PCNX1: variants seen among roughly 807,000 people sequenced by gnomAD.
PCNX1 encodes the protein pecanex-like protein 1.
PCNX1 carries 78 observed loss-of-function variants against 242.2 expected under a neutral mutation model. The observed-to-expected ratio is 0.32, with a 90% CI of 0.27 to 0.39. PCNX1 has a LOEUF of 0.39. Ranked by LOEUF, PCNX1 falls within the 10% of genes least tolerant of loss-of-function variation. PCNX1 has a pLI of 1.00. For synonymous variants in PCNX1, 1,024 were observed against 1,032.9 expected, an observed-to-expected ratio of 0.99 and a Z score of 0.17; for missense variants, 2,581 against 2,856.5, an observed-to-expected ratio of 0.90 and a Z score of 2.20.
At position 71,015,928 on chromosome 14, in the gene PCNX1, C is replaced by T. The variant is rs189166050; in HGVS notation, c.2996+2726C>T. On this transcript the variant is annotated intron_variant, in intron 11 of 35. Coordinates refer to ENST00000304743, the MANE Select transcript of PCNX1 (RefSeq NM_014982.3). ...AAAAACAGAAGACAGTGTGGTGGCTCATGCCTGTGATCTCAGCACTTTGGG... is the reference window on the plus strand; with the variant it reads ...AAAAACAGAAGACAGTGTGGTGGCTTATGCCTGTGATCTCAGCACTTTGGG... Among the ~76,000 whole-genome samples, 9 of 152,234 alleles carry T rather than the reference C, an allele frequency of 5.9e-5. No individual in the cohort carries two copies. The East Asian group carries it at 1.5e-3, about 26-fold the overall frequency.
intron 2 of PCNX1, among the ~76,000 whole-genome samples, chr14:70,949,768 A>C (rs2810110): frequency 0.016 from 2,400 of 152,292 alleles, 58 homozygotes; most frequent in African/African-American, 0.053. Flanking sequence ...CCTATTTGAC[A>C]GAAGTGTCTA....
chr14:71,001,699 A>T (rs912111931), intron 8 of PCNX1, among the ~76,000 whole-genome samples: 2 of 152,236 alleles, frequency 1.3e-5, no homozygotes, highest in Admixed American at 6.5e-5. Context: ...AAAGCTGGTT[A>T]GTATATGCAT....
At chr14:70,962,705 C>G (rs892370120) in intron 3 of PCNX1, among the ~76,000 whole-genome samples, 3 of 152,184 alleles carry the variant, frequency 2.0e-5, no homozygotes, top group Non-Finnish European at 2.9e-5. Flanking sequence ...CTGAAAATCT[C>G]TCAGTGTTCA....
intron 26 of PCNX1, among the ~76,000 whole-genome samples, chr14:71,063,908 C>A (rs948341073): frequency 1.3e-5 from 2 of 152,020 alleles, no homozygotes; most frequent in Non-Finnish European, 2.9e-5. Context: ...GGTTATCAGT[C>A]ATTTTTTGTC....
chr14:70,966,887 GA>G (rs2058395995), intron 3 of PCNX1, among the ~76,000 whole-genome samples: 1 of 152,202 alleles, frequency 6.6e-6, no homozygotes, highest in African/African-American at 2.4e-5. Flanking sequence ...TTGTAAGAAT[GA>G]AACTTTTGCG....
chr14:70,919,709 T>TTCCC (rs2056296253), intron 1 of PCNX1, among the ~76,000 whole-genome samples: 1 of 8,086 alleles, frequency 1.2e-4, no homozygotes, highest in African/African-American at 4.7e-4. Context: ...GTTTCTCTGC[T>TTCCC]CCCCCCCCCC....
chr14:71,086,337 T>C (rs965667464), intron 28 of PCNX1, among the ~76,000 whole-genome samples: 2 of 152,248 alleles, frequency 1.3e-5, no homozygotes, highest in South Asian at 4.1e-4. Flanking sequence ...ATTGTTATTA[T>C]GGGTCCTATT....
At chr14:70,934,893 A>G (rs946404747) in intron 1 of PCNX1, among the ~76,000 whole-genome samples, 1 of 152,198 alleles carries the variant, frequency 6.6e-6, no homozygotes, top group Non-Finnish European at 1.5e-5. Context: ...ATCTATTATG[A>G]TCTGCTGGTA....
chr14:70,941,240 G>A (rs942343331), intron 1 of PCNX1, among the ~76,000 whole-genome samples: 15 of 152,116 alleles, frequency 9.9e-5, no homozygotes, highest in African/African-American at 3.6e-4. Flanking sequence ...TTCTGCTCTG[G>A]TTTCTCCCCA....
At chr14:71,013,976 C>T (rs781759126) in intron 11 of PCNX1, among the ~76,000 whole-genome samples, 5 of 152,160 alleles carry the variant, frequency 3.3e-5, no homozygotes, top group Admixed American at 1.3e-4. Flanking sequence ...CATTGAGTCA[C>T]CTTGACTGTT....
rs769714116 is a variant in PCNX1, at chr14:71,045,244, C to T, written c.3979C>T (p.Leu1327=). 1.9e-6 allele frequency: 3 copies of T among 1,613,168 alleles called. No individual in the cohort carries two copies. The highest frequency in any genetic ancestry group is 1.3e-5 in the African/African-American group (1 of 75,018). ...ACCATGGCACTGTTTCTCTCATCCT[C>T]TGCTAAAGACACTAGAGTATAATCA... The part of the protein sequence containing the change: ...QLPWHCFSHP[L]LKTLEYNQYE... The change falls in exon 20 of 36, where the codon CTG becomes TTG. Residue 1327 remains leucine (L), a synonymous_variant. Transcript: ENST00000304743.
chr14:70,927,735 G>A (rs1371914279), intron 1 of PCNX1, among the ~76,000 whole-genome samples: 4 of 151,864 alleles, frequency 2.6e-5, no homozygotes, highest in Non-Finnish European at 2.9e-5. Context: ...GATTACAGGC[G>A]TGCACCACCA....
At chr14:71,059,692 C>T (rs938689635) in intron 26 of PCNX1, among the ~76,000 whole-genome samples, 14 of 152,106 alleles carry the variant, frequency 9.2e-5, no homozygotes, top group Non-Finnish European at 1.5e-4. Context: ...CACACCCAGC[C>T]GGGATTTTTT....
chr14:70,907,833 C>T lies in PCNX1; in HGVS notation c.-18C>T. On this transcript the variant is annotated 5_prime_UTR_variant, in exon 1 of 36. Coordinates refer to ENST00000304743, the MANE Select transcript of PCNX1 (RefSeq NM_014982.3). ...ACGGCGGCGGCGGCGGCGGCGACGG[C>T]GGCGGCGCCGGGTGGGGATGGGGTC... is the stretch of plus-strand genomic sequence containing the variant. The T allele has an allele frequency of 2.4e-6, 3 of 1,269,152 alleles. No individual in the cohort carries two copies. Among genetic ancestry groups the T allele is most frequent in the Non-Finnish European group, 9.9e-7 (1 of 1,005,276 alleles). 78.6% of individuals were successfully genotyped at this position (1,269,152 alleles called of 1,614,324 possible). A position where few individuals can be genotyped will look rare whatever the true frequency, so the allele number is the denominator to read the frequency against.
rs973178512 is a variant in PCNX1 at position 71,110,810 on chromosome 14, G to A, written c.*875G>A. On this transcript the variant is annotated 3_prime_UTR_variant, in exon 36 of 36. Coordinates refer to ENST00000304743, the MANE Select transcript of PCNX1 (RefSeq NM_014982.3). ...GCTCCTGTGTCTACATCTCAGAGGAGCCCATGTGCTCTGCTTCTCTCCACC... is the reference window on the plus strand; with the variant it reads ...GCTCCTGTGTCTACATCTCAGAGGAACCCATGTGCTCTGCTTCTCTCCACC... 2.0e-5 allele frequency: 3 copies of A among 152,684 alleles called. No individual in the cohort carries two copies. In the East Asian group the frequency reaches 5.8e-4, roughly 29 times the overall value. The allele number at this position is 152,684 out of a possible 1,614,324, so 9.5% of individuals were successfully genotyped here.
intron 16 of PCNX1, among the ~76,000 whole-genome samples, chr14:71,030,159 A>G (rs2060342236): frequency 6.6e-6 from 1 of 152,198 alleles, no homozygotes; most frequent in African/African-American, 2.4e-5. Context: ...CAAGACTTAT[A>G]GCAAGAACAG....
chr14:70,944,166 C>T (rs1007645738), intron 1 of PCNX1, among the ~76,000 whole-genome samples: 1 of 152,102 alleles, frequency 6.6e-6, no homozygotes, highest in African/African-American at 2.4e-5. Flanking sequence ...TCGTCCAGTC[C>T]ACAGAATGGT....
chr14:70,989,871 G>A (rs2059113365), intron 7 of PCNX1, among the ~76,000 whole-genome samples: 1 of 152,180 alleles, frequency 6.6e-6, no homozygotes, highest in Admixed American at 6.5e-5. Flanking sequence ...GCCTGCTTAA[G>A]CAGTGCATAT....
intron 17 of PCNX1, 49 bp from the exon 18 acceptor site, chr14:71,033,882 G>A: frequency 1.0e-6 from 1 of 970,106 alleles, no homozygotes; most frequent in Non-Finnish European, 1.6e-6. Context: ...TTGAATTACT[G>A]GTTTTCAGAT....
Sources: allele counts gnomAD v4.1 joint callset (sites outside exome capture counted in the v4.1 genomes callset), GRCh38; gene constraint gnomAD v4.1.1; transcripts MANE v1.5; gene names NCBI Gene and HGNC (gene_info 2026-07-23, HGNC 2026-07-21).